The following WDFY4 variants were observed in gnomAD, a reference collection of about 807,000 sequenced individuals.
WDFY4 encodes the protein WDFY family member 4.
In WDFY4, 169 loss-of-function variants were observed where a neutral mutation model predicts 351.9. The observed-to-expected ratio is 0.48, with a 90% CI of 0.42 to 0.55. The LOEUF (loss-of-function observed/expected upper bound fraction) is 0.55. Ranked by LOEUF, WDFY4 falls within the 20% of genes least tolerant of loss-of-function variation. WDFY4 has a pLI of 0.00. For synonymous variants in WDFY4, 1,622 were observed against 1,574.6 expected, an observed-to-expected ratio of 1.03 and a Z score of -0.71; for missense variants, 3,803 against 3,935.6, an observed-to-expected ratio of 0.97 and a Z score of 0.90.
rs150420994 is a variant in WDFY4 at position 48,785,877 on chromosome 10, G to T, written c.3577-762G>T. On this transcript the variant is annotated intron_variant, in intron 19 of 61. Transcript: ENST00000325239. ...GTTTGTGTCTACAAAAGACCTTGCT[G>T]GAATTCTGATAGTCTACAAAAAACC... Among the ~76,000 whole-genome samples, 254 of 152,286 alleles carry T rather than the reference G, an allele frequency of 1.7e-3. 1 individual carries two copies. Among genetic ancestry groups the T allele is most frequent in the African/African-American group, 5.7e-3 (235 of 41,558 alleles).
At chr10:48,734,942 A>AT (rs3079302) in intron 10 of WDFY4, among the ~76,000 whole-genome samples, 38,291 of 123,222 alleles carry the variant, frequency 0.31, 6,950 homozygotes, top group Non-Finnish European at 0.39. Context: ...TGCACGGCTA[A>AT]TTTTTTTTTT....
intron 4 of WDFY4, 79 bp downstream of exon 4, chr10:48,721,446 A>C (rs10857625): frequency 0.42 from 553,379 of 1,307,158 alleles, 121,258 homozygotes; most frequent in East Asian, 0.76. Context: ...GGGTGGTGGC[A>C]TATCCCAAGA....
In WDFY4 at chr10:48,941,662, C is replaced by T. The variant is rs1205529701; in HGVS notation, c.7587-144C>T. Reference sequence around the variant, plus strand: ...TGGATGACAGTCTCCCTGTGCTGTCCGCTGAGAGTTGCTCTGGGATTTGGG... The same window carrying T: ...TGGATGACAGTCTCCCTGTGCTGTCTGCTGAGAGTTGCTCTGGGATTTGGG... On this transcript the variant is annotated intron_variant, in intron 47 of 61. Coordinates refer to ENST00000325239, the MANE Select transcript of WDFY4 (RefSeq NM_001394531.1). 6 of 786,834 alleles carry T rather than the reference C, an allele frequency of 7.6e-6. No individual in the cohort carries two copies. In the East Asian group the frequency reaches 8.3e-5, roughly 11 times the overall value. 48.7% of individuals were successfully genotyped at this position (786,834 alleles called of 1,614,324 possible). A position where few individuals can be genotyped will look rare whatever the true frequency, so the allele number is the denominator to read the frequency against.
At chr10:48,815,499 C>T (rs1485585022) in intron 31 of WDFY4, among the ~76,000 whole-genome samples, 2 of 151,774 alleles carry the variant, frequency 1.3e-5, no homozygotes, top group Non-Finnish European at 2.9e-5. Context: ...TGCTCTGTTG[C>T]CCAGGCTGGA....
At position 48,913,724 on chromosome 10, in the gene WDFY4, C is replaced by T. The variant is rs369266591; in HGVS notation, c.7586+11861C>T. 9 of 1,612,944 alleles carry T rather than the reference C, an allele frequency of 5.6e-6. No individual in the cohort carries two copies. In the African/African-American group the frequency reaches 6.7e-5, roughly 12 times the overall value. Reference sequence around the variant, plus strand: ...CATGGAGCCCTACCTCGTGGAGCTCCTTCAGGGCCCCCAGTGTGGTGGGCA... The same window carrying T: ...CATGGAGCCCTACCTCGTGGAGCTCTTTCAGGGCCCCCAGTGTGGTGGGCA... On this transcript the variant is annotated intron_variant, in intron 47 of 61. Coordinates refer to ENST00000325239, the MANE Select transcript of WDFY4 (RefSeq NM_001394531.1).
intron 14 of WDFY4, 123 bp from the exon 15 acceptor site, chr10:48,775,589 G>T (rs1464870110): frequency 3.5e-6 from 3 of 861,402 alleles, no homozygotes; most frequent in Non-Finnish European, 5.5e-6. Context: ...TTCAGAAAGG[G>T]TGTTCCAGTG....
intron 39 of WDFY4, among the ~76,000 whole-genome samples, chr10:48,862,043 G>A (rs1030949065): frequency 7.2e-5 from 11 of 152,138 alleles, no homozygotes; most frequent in African/African-American, 1.9e-4. Context: ...TATTAACAGA[G>A]GCTCCCTAAT....
At chr10:48,752,861 A>T (rs2065223747) in intron 12 of WDFY4, among the ~76,000 whole-genome samples, 1 of 152,112 alleles carries the variant, frequency 6.6e-6, no homozygotes, top group African/African-American at 2.4e-5. Flanking sequence ...TATTTATTTG[A>T]GTACTTGTTT....
chr10:48,832,780 C>T lies in WDFY4; in HGVS notation c.6663+71C>T. The T allele has an allele frequency of 2.1e-6, 3 of 1,424,310 alleles. No homozygotes were observed. The African/African-American group carries it at 4.3e-5, about 21-fold the overall frequency. The allele number at this position is 1,424,310 out of a possible 1,614,324, so 88.2% of individuals were successfully genotyped here. A position where few individuals can be genotyped will look rare whatever the true frequency, so the allele number is the denominator to read the frequency against. On this transcript the variant is annotated intron_variant, in intron 39 of 61. Coordinates refer to ENST00000325239, the MANE Select transcript of WDFY4 (RefSeq NM_001394531.1). Reference sequence around the variant, plus strand: ...TCAAACCCCATGAGTCATATCTCTTCTTTGCTGCCTGTTACTAGACATGAT... The same window carrying T: ...TCAAACCCCATGAGTCATATCTCTTTTTTGCTGCCTGTTACTAGACATGAT...
chr10:48,810,459 A>G lies in WDFY4; in HGVS notation c.4839-71A>G. The G allele has an allele frequency of 4.9e-6, 7 of 1,424,116 alleles. No homozygotes were observed. The South Asian group carries it at 9.9e-5, about 20-fold the overall frequency. The allele number at this position is 1,424,116 out of a possible 1,614,324, so 88.2% of individuals were successfully genotyped here. A position where few individuals can be genotyped will look rare whatever the true frequency, so the allele number is the denominator to read the frequency against. On this transcript the variant is annotated intron_variant, in intron 28 of 61. Transcript: ENST00000325239. ...TCCTTGGTGACTTGTAAGGCTGGAC[A>G]TTTCATATTTTCTGGACATGTCACT...
intron 51 of WDFY4, among the ~76,000 whole-genome samples, chr10:48,950,000 A>T (rs1226013758): frequency 6.6e-6 from 1 of 152,174 alleles, no homozygotes; most frequent in African/African-American, 2.4e-5. Context: ...AGTACCTTAC[A>T]GCTGTTATTT....
chr10:48,965,447 C>T (rs1368977228), intron 54 of WDFY4, among the ~76,000 whole-genome samples: 1 of 152,234 alleles, frequency 6.6e-6, no homozygotes, highest in Non-Finnish European at 1.5e-5. Flanking sequence ...CATTATTAAA[C>T]ACTCATTGAA....
chr10:48,821,313 TCAA>T lies in WDFY4; in HGVS notation c.5824+141_5824+143del, dbSNP rs1589689405. 2.6e-5 allele frequency: 17 copies of T among 657,666 alleles called. No homozygotes were observed. In the East Asian group the frequency reaches 4.7e-4, roughly 18 times the overall value. 40.7% of individuals were successfully genotyped at this position (657,666 alleles called of 1,614,324 possible). A position where few individuals can be genotyped will look rare whatever the true frequency, so the allele number is the denominator to read the frequency against. ...CTGGCGTCAGTCCCTCCAGGCATCA[TCAA>T]CAAGAACTCCCTGGCTCCTGCCTTG... On this transcript the variant is annotated intron_variant, in intron 34 of 61. Coordinates refer to ENST00000325239, the MANE Select transcript of WDFY4 (RefSeq NM_001394531.1).
In WDFY4 at chr10:48,813,937, G is replaced by T; in HGVS notation, c.5215-20G>T. The T allele has an allele frequency of 1.3e-6, 2 of 1,521,312 alleles. No individual in the cohort carries two copies. Among genetic ancestry groups the T allele is most frequent in the Admixed American group, 4.2e-5 (2 of 47,468 alleles). 94.2% of individuals were successfully genotyped at this position (1,521,312 alleles called of 1,614,324 possible). A position where few individuals can be genotyped will look rare whatever the true frequency, so the allele number is the denominator to read the frequency against. On this transcript the variant is annotated intron_variant, in intron 30 of 61. Transcript: ENST00000325239. Reference sequence around the variant, plus strand: ...GTGAGTAGCCGCAGGTCTGCTTACAGCTCCTGCCTCCTCTTCCAGGACAGC... The same window carrying T: ...GTGAGTAGCCGCAGGTCTGCTTACATCTCCTGCCTCCTCTTCCAGGACAGC...
chr10:48,814,117 G>T (rs368492074), intron 31 of WDFY4, 35 bp downstream of exon 31: 3 of 1,489,992 alleles, frequency 2.0e-6, no homozygotes, highest in Non-Finnish European at 2.7e-6. Flanking sequence ...CCCCGAGGAG[G>T]TTCTGATGGG....
At chr10:48,756,743 T>C (rs1479009114) in intron 12 of WDFY4, among the ~76,000 whole-genome samples, 4 of 152,124 alleles carry the variant, frequency 2.6e-5, no homozygotes, top group Non-Finnish European at 5.9e-5. Flanking sequence ...ATATGGATCA[T>C]GTTGACTGAT....
Position 48,776,782 on chromosome 10 carries a change from C to A in WDFY4, c.2896C>A (p.Pro966Thr), listed in dbSNP as rs2066045647. ...SQTAQGLAEGPWPAAPDAGLH... is the reference protein window; with the variant it reads ...SQTAQGLAEGTWPAAPDAGLH... The stretch of plus-strand genomic sequence containing the variant: ...GACTGCACAGGGCTTGGCTGAGGGG[C>A]CCTGGCCAGCTGCCCCAGATGCTGG... Residue 966 changes from proline (P) to threonine (T), a missense_variant, in exon 16 of 62, where the codon CCC (proline) becomes ACC (threonine). Physicochemically the swap from Pro to Thr is conservative, Grantham distance 38. Around this residue, in one of 3 missense-constraint regions of WDFY4, gnomAD observed 3,054 missense variants for 3,148.6 expected, o/e 0.97. Transcript: ENST00000325239. 2.6e-6 allele frequency: 4 copies of A among 1,541,456 alleles called. No individual in the cohort carries two copies. The highest frequency in any genetic ancestry group is 1.4e-5 in the African/African-American group (1 of 72,968).
At chr10:48,864,416 C>T (rs182765392) in intron 39 of WDFY4, among the ~76,000 whole-genome samples, 2 of 152,280 alleles carry the variant, frequency 1.3e-5, no homozygotes, top group Non-Finnish European at 2.9e-5. Flanking sequence ...TTTTTGGACT[C>T]TCAATTTTAT....
rs1398337174 is a variant in WDFY4 at position 48,886,783 on chromosome 10, C to T, written c.7168-3796C>T. Among the ~76,000 whole-genome samples, 4 of 152,374 alleles carry T rather than the reference C, an allele frequency of 2.6e-5. No individual in the cohort carries two copies. The East Asian group carries it at 7.7e-4, about 29-fold the overall frequency. On this transcript the variant is annotated intron_variant, in intron 43 of 61. Coordinates refer to ENST00000325239, the MANE Select transcript of WDFY4 (RefSeq NM_001394531.1). ...GATTTCTGGACAACCTGTTTGTCATCATACACAGAGCTAGCTGTGGCTACT... is the reference window on the plus strand; with the variant it reads ...GATTTCTGGACAACCTGTTTGTCATTATACACAGAGCTAGCTGTGGCTACT...
Sources: gnomAD v4.1 joint callset for allele counts (sites outside exome capture counted in the v4.1 genomes callset) on GRCh38, gnomAD v4.1.1 for gene constraint, gnomAD v4.1.1 regional missense constraint, MANE v1.5 for transcripts, NCBI Gene and HGNC (gene_info 2026-07-23, HGNC 2026-07-21) for gene names.